Variants in RASGRP3 observed in about 807,000 individuals in gnomAD.
The protein encoded by RASGRP3 is RAS guanyl releasing protein 3.
RASGRP3 carries 54 observed loss-of-function variants against 82.7 expected under a neutral mutation model. The observed-to-expected ratio is 0.65, with a 90% CI of 0.52 to 0.82. RASGRP3 has a LOEUF of 0.82. RASGRP3 is among the 40% of genes least tolerant of loss of function. The pLI is 0.00. For missense variants in RASGRP3, 861 were observed against 828.9 expected, an observed-to-expected ratio of 1.04 and a Z score of -0.48; for synonymous variants, 309 against 300.5, an observed-to-expected ratio of 1.03 and a Z score of -0.29.
intron 1 of RASGRP3, among the ~76,000 whole-genome samples, chr2:33,487,250 G>A (rs1053749215): frequency 6.6e-6 from 1 of 152,048 alleles, no homozygotes; most frequent in African/African-American, 2.4e-5. Context: ...TCAAGTAGAG[G>A]GATGACATGA....
intron 1 of RASGRP3, among the ~76,000 whole-genome samples, chr2:33,438,812 T>C (rs1314169880): frequency 6.6e-6 from 1 of 151,566 alleles, no homozygotes; most frequent in Non-Finnish European, 1.5e-5. Context: ...GTTTACAGTT[T>C]ACATAATAAT....
chr2:33,524,792 A>G, intron 9 of RASGRP3, among the ~76,000 whole-genome samples: 1 of 152,100 alleles, frequency 6.6e-6, no homozygotes, highest in Admixed American at 6.6e-5. Context: ...AGAATACTGT[A>G]GTGGTGGCCG....
At chr2:33,524,605 G>T in intron 9 of RASGRP3, 57 bp downstream of exon 9, 1 of 1,333,372 alleles carries the variant, frequency 7.5e-7, no homozygotes. Flanking sequence ...AATTGTTCAG[G>T]TTTAGTATAC....
chr2:33,508,883 C>G (rs990604943), intron 1 of RASGRP3, among the ~76,000 whole-genome samples: 3 of 152,150 alleles, frequency 2.0e-5, no homozygotes, highest in Non-Finnish European at 4.4e-5. Flanking sequence ...CAGATAACTT[C>G]TGGAACAATG....
chr2:33,439,753 A>C lies in RASGRP3; in HGVS notation c.-385+3162A>C, dbSNP rs1212776441. Among the ~76,000 whole-genome samples the C allele has an allele frequency of 2.0e-5, 3 of 152,168 alleles. No individual in the cohort carries two copies. In the East Asian group the frequency reaches 5.8e-4, roughly 29 times the overall value. ...TATGGAGCAGGAAAGAAGTGCCTGG[A>C]GGAGGCTGGGTTCAGAAGGTGGTGG... is the stretch of plus-strand genomic sequence containing the variant. On this transcript the variant is annotated intron_variant, in intron 1 of 18. Transcript: ENST00000402538.
chr2:33,539,276 C>T (rs1181838522), intron 12 of RASGRP3, 66 bp downstream of exon 12: 34 of 1,301,386 alleles, frequency 2.6e-5, no homozygotes, highest in Middle Eastern at 3.8e-4. Flanking sequence ...GAATGTTCTG[C>T]GATTGTCCAG....
intron 11 of RASGRP3, among the ~76,000 whole-genome samples, chr2:33,536,322 G>GAAAAAAAAAAAAATAAAAAAA (rs1673601420): frequency 7.8e-6 from 1 of 127,754 alleles, no homozygotes; most frequent in Non-Finnish European, 1.6e-5. Flanking sequence ...ATTTAAAAAA[G>GAAAAAAAAAAAAATAAAAAAA]AAAAAAAAAA....
At chr2:33,508,596 T>C (rs778618848) in intron 1 of RASGRP3, among the ~76,000 whole-genome samples, 4 of 152,180 alleles carry the variant, frequency 2.6e-5, no homozygotes, top group Non-Finnish European at 5.9e-5. Flanking sequence ...AACTTCCATT[T>C]ACTCTAAAAA....
At chr2:33,530,189 T>C (rs768658450) in intron 10 of RASGRP3, among the ~76,000 whole-genome samples, 20 of 152,154 alleles carry the variant, frequency 1.3e-4, no homozygotes, top group Admixed American at 5.2e-4. Flanking sequence ...GAAGGGGTGA[T>C]TCATTTTGCC....
chr2:33,449,501 C>T (rs1386720720), intron 2 of RASGRP3, among the ~76,000 whole-genome samples: 1 of 152,174 alleles, frequency 6.6e-6, no homozygotes, highest in South Asian at 2.1e-4. Flanking sequence ...GTGGCTCACG[C>T]CTGTAATCCC....
intron 4 of RASGRP3, among the ~76,000 whole-genome samples, chr2:33,517,479 C>A (rs987078344): frequency 5.3e-5 from 8 of 152,152 alleles, no homozygotes; most frequent in Non-Finnish European, 1.0e-4. Context: ...GGGAGAGGCA[C>A]CATCAAGTGT....
intron 1 of RASGRP3, among the ~76,000 whole-genome samples, chr2:33,508,830 G>A (rs141553423): frequency 6.6e-6 from 1 of 152,078 alleles, no homozygotes; most frequent in African/African-American, 2.4e-5. Flanking sequence ...TTGCTTTTTG[G>A]GCTATTGTAT....
At chr2:33,491,422 A>G (rs1668834460) in intron 1 of RASGRP3, among the ~76,000 whole-genome samples, 1 of 151,912 alleles carries the variant, frequency 6.6e-6, no homozygotes, top group African/African-American at 2.4e-5. Flanking sequence ...TAGATTGATT[A>G]ATCAATTGGA....
At chr2:33,462,138 A>T (rs531445658) in intron 2 of RASGRP3, among the ~76,000 whole-genome samples, 2 of 152,326 alleles carry the variant, frequency 1.3e-5, no homozygotes, top group South Asian at 4.1e-4. Flanking sequence ...TACAGCCATG[A>T]TGTAAAAATT....
intron 1 of RASGRP3, among the ~76,000 whole-genome samples, chr2:33,503,425 C>A (rs965937034): frequency 2.0e-4 from 30 of 152,092 alleles, no homozygotes; most frequent in Admixed American, 1.1e-3. Context: ...GAAGACATAT[C>A]GTTGGCTCTT....
intron 12 of RASGRP3, among the ~76,000 whole-genome samples, chr2:33,540,572 G>T (rs1362512457): frequency 0.012 from 335 of 28,784 alleles, 14 homozygotes; most frequent in African/African-American, 0.043. Flanking sequence ...GTGTGTGTGT[G>T]TGTGTGTGTG....
intron 10 of RASGRP3, among the ~76,000 whole-genome samples, chr2:33,528,509 G>A (rs963058720): frequency 3.3e-5 from 5 of 152,264 alleles, no homozygotes; most frequent in Non-Finnish European, 7.4e-5. Context: ...TCCCTGTTTG[G>A]GTTTATAACA....
chr2:33,524,147 G>A lies in RASGRP3; in HGVS notation c.690+95G>A, dbSNP rs548673552. ...AGGAAATGTGGCGTTCACAGTATAA[G>A]GGCATCGGACAACTAAACTACTCGC... is the stretch of plus-strand genomic sequence containing the variant. On this transcript the variant is annotated intron_variant, in intron 8 of 17. Coordinates refer to ENST00000403687, the MANE Select transcript of RASGRP3 (RefSeq NM_001139488.2). 3.2e-5 allele frequency: 45 copies of A among 1,400,652 alleles called. No homozygotes were observed. The African/African-American group carries it at 6.3e-4, about 20-fold the overall frequency. 86.8% of individuals were successfully genotyped at this position (1,400,652 alleles called of 1,614,324 possible). A position where few individuals can be genotyped will look rare whatever the true frequency, so the allele number is the denominator to read the frequency against.
At chr2:33,542,282 C>T (rs1321948219) in intron 12 of RASGRP3, among the ~76,000 whole-genome samples, 1 of 146,370 alleles carries the variant, frequency 6.8e-6, no homozygotes, top group Non-Finnish European at 1.5e-5. Context: ...GGGTTTGTTT[C>T]AGGACTCCAC....
Sources: gnomAD v4.1 joint callset for allele counts (sites outside exome capture counted in the v4.1 genomes callset) on GRCh38, gnomAD v4.1.1 for gene constraint, MANE v1.5 for transcripts, NCBI Gene and HGNC (gene_info 2026-07-23, HGNC 2026-07-21) for gene names.